Variants in SNX29 observed in about 807,000 individuals in gnomAD.
The protein encoded by SNX29 is sorting nexin-29.
In SNX29, 78 loss-of-function variants were observed where a neutral mutation model predicts 102.1. The ratio of observed to expected loss-of-function variants is 0.76; its 90% CI spans 0.64 to 0.92. The LOEUF (loss-of-function observed/expected upper bound fraction) is 0.92, where lower values mean the gene tolerates loss of function less well. Among genes scored for constraint, SNX29 ranks in the 40% least tolerant of loss-of-function variants. The pLI, the probability that SNX29 is intolerant of heterozygous loss-of-function variation, is 0.00. For missense variants in SNX29, 1,280 were observed against 1,061.7 expected, an observed-to-expected ratio of 1.21 and a Z score of -2.86; for synonymous variants, 580 against 414.5, an observed-to-expected ratio of 1.40 and a Z score of -4.85.
chr16:12,535,263 C>T (rs1022074434), intron 20 of SNX29, among the ~76,000 whole-genome samples: 1 of 152,162 alleles, frequency 6.6e-6, no homozygotes, highest in Non-Finnish European at 1.5e-5. Context: ...TTCAGCCTCC[C>T]AAGTAGCTGG....
At chr16:12,360,058 G>T (rs12102400) in intron 16 of SNX29, among the ~76,000 whole-genome samples, 2 of 151,952 alleles carry the variant, frequency 1.3e-5, no homozygotes, top group Non-Finnish European at 2.9e-5. Flanking sequence ...TCCTGATCTC[G>T]AGTGATCTGC....
intron 19 of SNX29, among the ~76,000 whole-genome samples, chr16:12,490,642 G>T (rs1300193588): frequency 6.6e-6 from 1 of 152,278 alleles, no homozygotes; most frequent in East Asian, 1.9e-4. Flanking sequence ...TCCCAAAGCA[G>T]CCATACGGTG....
intron 13 of SNX29, among the ~76,000 whole-genome samples, chr16:12,134,643 A>G (rs987509032): frequency 6.6e-6 from 1 of 152,198 alleles, no homozygotes; most frequent in African/African-American, 2.4e-5. Context: ...GAGGTGACAC[A>G]TGATTGCTTC....
At chr16:12,545,808 CCTA>C (rs1447702239) in intron 20 of SNX29, among the ~76,000 whole-genome samples, 1 of 152,084 alleles carries the variant, frequency 6.6e-6, no homozygotes, top group East Asian at 1.9e-4. Flanking sequence ...CAGGGGCCTC[CCTA>C]CTGACTCTCC....
At chr16:12,377,406 T>C (rs1235779261) in intron 16 of SNX29, among the ~76,000 whole-genome samples, 2 of 152,212 alleles carry the variant, frequency 1.3e-5, no homozygotes, top group Non-Finnish European at 2.9e-5. Flanking sequence ...GCCAAGCACA[T>C]TCTGACTCTT....
At chr16:12,145,709 A>G (rs907816565) in intron 13 of SNX29, among the ~76,000 whole-genome samples, 1 of 152,220 alleles carries the variant, frequency 6.6e-6, no homozygotes. Context: ...TCTACTTTGA[A>G]AAGTTTTTTA....
chr16:12,366,293 A>G (rs1168982501), intron 16 of SNX29, among the ~76,000 whole-genome samples: 2 of 152,188 alleles, frequency 1.3e-5, no homozygotes, highest in Non-Finnish European at 2.9e-5. Flanking sequence ...TTATTTCCCC[A>G]AGGAACACTA....
intron 20 of SNX29, among the ~76,000 whole-genome samples, chr16:12,546,068 G>C (rs1235957889): frequency 2.0e-5 from 3 of 152,186 alleles, no homozygotes; most frequent in Non-Finnish European, 4.4e-5. Context: ...GCAGTCCTGG[G>C]TTTGAGTCCC....
Position 12,273,235 on chromosome 16 carries a change from C to T in SNX29, c.1679-4698C>T, listed in dbSNP as rs557797496. Reference sequence around the variant, plus strand: ...GAAGCCTGCTGCTGGTGGGCCCACACTCTCCAACTCACTTTTTTTCTTAAC... The same window carrying T: ...GAAGCCTGCTGCTGGTGGGCCCACATTCTCCAACTCACTTTTTTTCTTAAC... On this transcript the variant is annotated intron_variant, in intron 14 of 20. Transcript: ENST00000566228. Among the ~76,000 whole-genome samples, 62 of 152,268 alleles carry T rather than the reference C, an allele frequency of 4.1e-4. 1 individual carries two copies. In the South Asian group the frequency reaches 0.012, roughly 30 times the overall value.
At chr16:12,280,395 T>C (rs2079393860) in intron 15 of SNX29, among the ~76,000 whole-genome samples, 1 of 152,206 alleles carries the variant, frequency 6.6e-6, no homozygotes, top group African/African-American at 2.4e-5. Context: ...GGGGAGTTAC[T>C]GCAGGGTCCA....
At chr16:12,551,739 A>C (rs1362045396) in intron 20 of SNX29, among the ~76,000 whole-genome samples, 1 of 152,196 alleles carries the variant, frequency 6.6e-6, no homozygotes, top group East Asian at 1.9e-4. Flanking sequence ...GCTGACAAGA[A>C]ATACTTCCTG....
At chr16:12,383,707 A>T (rs2083253968) in intron 16 of SNX29, among the ~76,000 whole-genome samples, 1 of 149,380 alleles carries the variant, frequency 6.7e-6, no homozygotes, top group Admixed American at 6.7e-5. Flanking sequence ...AAGTGCTAGG[A>T]TTACAGGCGT....
chr16:12,537,176 C>G (rs2077113950), intron 20 of SNX29, among the ~76,000 whole-genome samples: 1 of 152,144 alleles, frequency 6.6e-6, no homozygotes, highest in Non-Finnish European at 1.5e-5. Flanking sequence ...CATAAAGATG[C>G]CATCCCCCTG....
At chr16:12,237,734 C>T (rs1338518487) in intron 14 of SNX29, among the ~76,000 whole-genome samples, 3 of 151,914 alleles carry the variant, frequency 2.0e-5, no homozygotes, top group South Asian at 2.1e-4. Flanking sequence ...TGGTGAAACC[C>T]CCGTCTCTAC....
intron 19 of SNX29, among the ~76,000 whole-genome samples, chr16:12,504,004 C>T (rs748317817): frequency 1.3e-5 from 2 of 152,118 alleles, no homozygotes; most frequent in African/African-American, 4.8e-5. Context: ...TAGAAAATTT[C>T]ATCACCACCA....
At chr16:12,280,835 C>T (rs1194858575) in intron 15 of SNX29, among the ~76,000 whole-genome samples, 1 of 152,054 alleles carries the variant, frequency 6.6e-6, no homozygotes, top group African/African-American at 2.4e-5. Flanking sequence ...GAGTAATGAA[C>T]GAATGTGAGG....
intron 20 of SNX29, among the ~76,000 whole-genome samples, chr16:12,540,437 G>A (rs1353598358): frequency 6.6e-6 from 1 of 152,232 alleles, no homozygotes; most frequent in Non-Finnish European, 1.5e-5. Context: ...CAGCTGCTGT[G>A]GAGGCCAGAA....
At chr16:12,513,437 T>C (rs1357613674) in intron 19 of SNX29, among the ~76,000 whole-genome samples, 1 of 151,716 alleles carries the variant, frequency 6.6e-6, no homozygotes, top group Non-Finnish European at 1.5e-5. Flanking sequence ...CCTCTCCTCT[T>C]CCCTGCGCTG....
intron 13 of SNX29, among the ~76,000 whole-genome samples, chr16:12,158,320 C>T (rs1473370545): frequency 1.3e-5 from 2 of 152,168 alleles, no homozygotes; most frequent in Non-Finnish European, 2.9e-5. Flanking sequence ...CTGCCTCAGC[C>T]TGCCGAGTAG....
Sources: gnomAD v4.1 joint callset for allele counts (sites outside exome capture counted in the v4.1 genomes callset) on GRCh38, gnomAD v4.1.1 for gene constraint, MANE v1.5 for transcripts, NCBI Gene and HGNC (gene_info 2026-07-23, HGNC 2026-07-21) for gene names.